FAM47E: variants seen among roughly 807,000 people sequenced by gnomAD.
FAM47E encodes family with sequence similarity 47 member E.
In FAM47E, 32 loss-of-function variants were observed where a neutral mutation model predicts 41.6. The observed-to-expected ratio is 0.77, with a 90% confidence interval of 0.58 to 1.03. FAM47E has a LOEUF of 1.03. FAM47E is among the 50% of genes least tolerant of loss of function. The probability of loss-of-function intolerance (pLI) is 0.00; values close to 1 mark genes in which losing one functional copy is unlikely to be tolerated. For missense variants in FAM47E, 424 were observed against 485.4 expected, an observed-to-expected ratio of 0.87 and a Z score of 1.19; for synonymous variants, 184 against 188.7, an observed-to-expected ratio of 0.98 and a Z score of 0.20.
intron 2 of FAM47E, among the ~76,000 whole-genome samples, chr4:76,242,920 G>T (rs2109993027): frequency 6.6e-6 from 1 of 152,242 alleles, no homozygotes; most frequent in East Asian, 1.9e-4. Flanking sequence ...TTCTATTAGA[G>T]AGTGTAGCTT....
intron 3 of FAM47E, 122 bp downstream of exon 3, chr4:76,263,965 A>C: frequency 7.1e-7 from 1 of 1,403,966 alleles, no homozygotes; most frequent in Non-Finnish European, 9.5e-7. Context: ...CTAAGTTCCC[A>C]AGGAAGAGGG....
chr4:76,250,662 A>T (rs1733936877), upstream of FAM47E, among the ~76,000 whole-genome samples: 1 of 152,100 alleles, frequency 6.6e-6, no homozygotes, highest in Non-Finnish European at 1.5e-5. Context: ...TTCTACAGAA[A>T]CCCTACCTCC....
intron 2 of FAM47E, among the ~76,000 whole-genome samples, chr4:76,232,354 A>G (rs1397354763): frequency 6.6e-6 from 1 of 152,208 alleles, no homozygotes; most frequent in Non-Finnish European, 1.5e-5. Flanking sequence ...CAATCTCCAA[A>G]GTTATCAGAA....
chr4:76,228,297 T>C (rs1192555532), intron 2 of FAM47E, among the ~76,000 whole-genome samples: 1 of 152,014 alleles, frequency 6.6e-6, no homozygotes, highest in African/African-American at 2.4e-5. Flanking sequence ...CTGGCCAACA[T>C]GGTGAAACCC....
chr4:76,262,375 T>C (rs1292829941), intron 2 of FAM47E, among the ~76,000 whole-genome samples: 1 of 152,242 alleles, frequency 6.6e-6, no homozygotes, highest in Non-Finnish European at 1.5e-5. Context: ...ATCTCTCTTA[T>C]ACATTTTTTA....
chr4:76,271,398 A>G (rs1411458791), intron 4 of FAM47E, among the ~76,000 whole-genome samples, 170 bp from the exon 5 acceptor site: 1 of 152,186 alleles, frequency 6.6e-6, no homozygotes, highest in Non-Finnish European at 1.5e-5. Context: ...TCTCTTAATG[A>G]CAAAGCCCTC....
intron 3 of FAM47E, 54 bp from the exon 4 acceptor site, chr4:76,268,606 C>A: frequency 6.6e-7 from 1 of 1,516,310 alleles, no homozygotes; most frequent in Non-Finnish European, 8.9e-7. Flanking sequence ...TGTTTGAAAT[C>A]CATTTGGATT....
chr4:76,252,487 CTT>C (rs1734013247), intron 1 of FAM47E, among the ~76,000 whole-genome samples: 2 of 152,144 alleles, frequency 1.3e-5, no homozygotes, highest in Non-Finnish European at 2.9e-5. Context: ...TAGTTCTCCT[CTT>C]GTTTGCCTGG....
chr4:76,280,736 G>A (rs1487990883), intron 7 of FAM47E: 2 of 157,972 alleles, frequency 1.3e-5, no homozygotes, highest in Admixed American at 6.4e-5. Flanking sequence ...AAAGAGCTGT[G>A]GCTTGGGTTA....
chr4:76,219,122 A>G (rs1049501502), intron 2 of FAM47E, among the ~76,000 whole-genome samples: 5 of 152,190 alleles, frequency 3.3e-5, no homozygotes, highest in Non-Finnish European at 7.3e-5. Context: ...CATGCTTATT[A>G]AGAGTAAAAG....
intron 2 of FAM47E, among the ~76,000 whole-genome samples, chr4:76,221,675 T>G (rs1312314469): frequency 2.0e-5 from 3 of 152,174 alleles, no homozygotes; most frequent in Non-Finnish European, 4.4e-5. Flanking sequence ...ATACCGCATG[T>G]TATCACTTAT....
At chr4:76,251,953 G>A in intron 1 of FAM47E, 133 bp downstream of exon 1, 2 of 1,188,688 alleles carry the variant, frequency 1.7e-6, no homozygotes, top group Non-Finnish European at 2.2e-6. Flanking sequence ...CTTCCTGTAC[G>A]TACAACATAA....
chr4:76,275,566 TAC>T (rs1735060702), intron 5 of FAM47E, among the ~76,000 whole-genome samples: 1 of 152,172 alleles, frequency 6.6e-6, no homozygotes, highest in African/African-American at 2.4e-5. Context: ...TTATGGAGAT[TAC>T]AGCCTAGTGG....
At chr4:76,242,287 G>A (rs550956559) in intron 2 of FAM47E, among the ~76,000 whole-genome samples, 21 of 152,178 alleles carry the variant, frequency 1.4e-4, no homozygotes, top group African/African-American at 4.6e-4. Flanking sequence ...GTGAGTTCTC[G>A]CAAGTTCTGG....
chr4:76,258,514 G>A (rs1296767761), intron 2 of FAM47E, among the ~76,000 whole-genome samples: 2 of 152,192 alleles, frequency 1.3e-5, no homozygotes, highest in East Asian at 1.9e-4. Context: ...CTTTAGAGGC[G>A]CTTCACTCAG....
At chr4:76,232,473 G>A (rs943936835) in intron 2 of FAM47E, among the ~76,000 whole-genome samples, 1 of 152,114 alleles carries the variant, frequency 6.6e-6, no homozygotes, top group East Asian at 1.9e-4. Flanking sequence ...AATGTCCAGG[G>A]TAGTTACACT....
intron 2 of FAM47E, among the ~76,000 whole-genome samples, chr4:76,239,341 C>T (rs1035435512): frequency 6.6e-6 from 1 of 152,132 alleles, no homozygotes; most frequent in Non-Finnish European, 1.5e-5. Context: ...TTTACATTCC[C>T]ACCAACAGTG....
At chr4:76,245,539 A>G (rs776699031) in intron 2 of FAM47E, among the ~76,000 whole-genome samples, 6 of 152,310 alleles carry the variant, frequency 3.9e-5, no homozygotes, top group Middle Eastern at 3.4e-3. Context: ...CCAATCTCCT[A>G]TTAGTGCTTT....
At chr4:76,264,033 T>C (rs1465390414) in intron 3 of FAM47E, among the ~76,000 whole-genome samples, 190 bp downstream of exon 3, 1 of 152,228 alleles carries the variant, frequency 6.6e-6, no homozygotes, top group Non-Finnish European at 1.5e-5. Context: ...ATGTGATTTA[T>C]CCAGCGACGA....
Sources: gnomAD v4.1 joint callset for allele counts (sites outside exome capture counted in the v4.1 genomes callset) on GRCh38, gnomAD v4.1.1 for gene constraint, MANE v1.5 for transcripts, NCBI Gene and HGNC (gene_info 2026-07-23, HGNC 2026-07-21) for gene names.